KCNMA1: variants seen among roughly 807,000 people sequenced by gnomAD.
The protein encoded by KCNMA1 is potassium calcium-activated channel subfamily M alpha 1.
KCNMA1 carries 29 observed loss-of-function variants against 140.0 expected under a neutral mutation model. The ratio of observed to expected loss-of-function variants is 0.21; its 90% CI spans 0.15 to 0.28. The LOEUF is 0.28. Ranked by LOEUF, KCNMA1 falls within the 10% of genes least tolerant of loss-of-function variation. KCNMA1 has a pLI of 1.00. For synonymous variants in KCNMA1, 612 were observed against 611.9 expected (o/e 1.00, Z 0.00); for missense variants, 880 against 1,602.2 (o/e 0.55, Z 7.70).
At chr10:77,333,580 T>C (rs755434459) in intron 2 of KCNMA1, among the ~76,000 whole-genome samples, 12 of 152,232 alleles carry the variant, frequency 7.9e-5, no homozygotes, top group African/African-American at 2.2e-4. Flanking sequence ...CACATTTTAA[T>C]GGAATGGCAA....
At chr10:77,507,805 C>T (rs2046692442) in intron 1 of KCNMA1, among the ~76,000 whole-genome samples, 1 of 152,170 alleles carries the variant, frequency 6.6e-6, no homozygotes, top group South Asian at 2.1e-4. Context: ...AGCAACTTGG[C>T]AATGTATAGA....
chr10:77,021,126 A>G (rs2092790105), intron 16 of KCNMA1: 1 of 152,212 alleles, frequency 6.6e-6, no homozygotes, highest in Admixed American at 6.5e-5. Flanking sequence ...TACCTTGCCC[A>G]TTAATGAGAT....
chr10:77,417,994 AC>A lies in KCNMA1; in HGVS notation c.379-13972del, dbSNP rs537916102. Among the ~76,000 whole-genome samples the A allele has an allele frequency of 4.6e-5, 7 of 152,224 alleles. No individual in the cohort carries two copies. The South Asian group carries it at 1.0e-3, about 23-fold the overall frequency. On this transcript the variant is annotated intron_variant, in intron 1 of 27. Coordinates refer to ENST00000286628, the MANE Select transcript of KCNMA1 (RefSeq NM_001161352.2). ...CCCTGCTCCCTGGACTCTGCCTCTG[AC>A]CTCACCCCTTGGAAGAACTGGCTGG...
At chr10:77,484,304 T>C (rs2098437036) in intron 1 of KCNMA1, among the ~76,000 whole-genome samples, 1 of 152,130 alleles carries the variant, frequency 6.6e-6, no homozygotes, top group Admixed American at 6.5e-5. Context: ...GCAAGGAAAA[T>C]GATGTGCCCA....
intron 14 of KCNMA1, among the ~76,000 whole-genome samples, chr10:77,042,995 T>C (rs1334670112): frequency 6.6e-6 from 1 of 152,254 alleles, no homozygotes; most frequent in East Asian, 1.9e-4. Flanking sequence ...ATGATATACC[T>C]GACCACATAT....
chr10:77,391,262 C>T (rs1199013066), intron 2 of KCNMA1, among the ~76,000 whole-genome samples: 1 of 152,098 alleles, frequency 6.6e-6, no homozygotes, highest in Non-Finnish European at 1.5e-5. Flanking sequence ...AATGGTCCCC[C>T]TTGATGCCCC....
chr10:76,943,913 G>A (rs2063252301), intron 23 of KCNMA1, among the ~76,000 whole-genome samples: 1 of 152,124 alleles, frequency 6.6e-6, no homozygotes, highest in Non-Finnish European at 1.5e-5. Context: ...CTCATGGGCT[G>A]TGCTCCTACA....
Position 76,886,702 on chromosome 10 carries a change from C to T in KCNMA1, c.*564G>A, listed in dbSNP as rs1564704544. On this transcript the variant is annotated 3_prime_UTR_variant, in exon 28 of 28. Coordinates refer to ENST00000286628, the MANE Select transcript of KCNMA1 (RefSeq NM_001161352.2). ...GTCCTTCATAATCATCTACACAAATCGTGAAAGCTTTTCAAATGCTTCGCA... is the reference window on the plus strand; with the variant it reads ...GTCCTTCATAATCATCTACACAAATTGTGAAAGCTTTTCAAATGCTTCGCA... 3 of 1,003,220 alleles carry T rather than the reference C, an allele frequency of 3.0e-6. No homozygotes were observed. Among genetic ancestry groups the T allele is most frequent in the South Asian group, 4.2e-5 (1 of 23,654 alleles). The allele number at this position is 1,003,220 out of a possible 1,614,324, so 62.1% of individuals were successfully genotyped here. A position where few individuals can be genotyped will look rare whatever the true frequency, so the allele number is the denominator to read the frequency against.
intron 14 of KCNMA1, among the ~76,000 whole-genome samples, chr10:77,058,475 C>T (rs963501079): frequency 6.6e-6 from 1 of 152,030 alleles, no homozygotes; most frequent in Non-Finnish European, 1.5e-5. Flanking sequence ...TTTAAGCTCA[C>T]CTGGAACATT....
At chr10:77,546,521 G>A (rs2061495906) in intron 1 of KCNMA1, among the ~76,000 whole-genome samples, 1 of 152,364 alleles carries the variant, frequency 6.6e-6, no homozygotes, top group East Asian at 1.9e-4. Flanking sequence ...GGCAGCCTGA[G>A]CTATCCATGT....
At position 77,636,978 on chromosome 10, in the gene KCNMA1, C is replaced by T. The variant is rs1227862282; in HGVS notation, c.378+287G>A. The stretch of plus-strand genomic sequence containing the variant: ...GCACCCGAGCCTGTGAGTCCCCGAC[C>T]CCGGCCCCAGCCGCAGCCGCCAACA... On this transcript the variant is annotated intron_variant, in intron 1 of 27. Transcript: ENST00000286628. 4.3e-6 allele frequency: 6 copies of T among 1,410,902 alleles called. No individual in the cohort carries two copies. In the African/African-American group the frequency reaches 4.4e-5, roughly 10 times the overall value. 87.4% of individuals were successfully genotyped at this position (1,410,902 alleles called of 1,614,324 possible).
intron 2 of KCNMA1, among the ~76,000 whole-genome samples, chr10:77,314,809 T>C (rs989626940): frequency 1.3e-5 from 2 of 152,076 alleles, no homozygotes; most frequent in African/African-American, 4.8e-5. Flanking sequence ...ATCCCTGCCC[T>C]CTCGTCTGTG....
At chr10:77,512,709 C>T (rs939861059) in intron 1 of KCNMA1, among the ~76,000 whole-genome samples, 2 of 152,156 alleles carry the variant, frequency 1.3e-5, no homozygotes, top group African/African-American at 4.8e-5. Flanking sequence ...GATTAGGGCA[C>T]AGACTTACAC....
chr10:77,013,915 CTT>C (rs1161599430), intron 17 of KCNMA1, among the ~76,000 whole-genome samples: 11 of 152,152 alleles, frequency 7.2e-5, no homozygotes, highest in African/African-American at 2.7e-4. Flanking sequence ...CCTGAATAGA[CTT>C]GTGAAAAGAT....
intron 2 of KCNMA1, chr10:77,304,397 G>A (rs1316628803): frequency 6.6e-6 from 1 of 152,204 alleles, no homozygotes; most frequent in Non-Finnish European, 1.5e-5. Context: ...CTCCATAGCA[G>A]AGGGGCCCCT....
intron 2 of KCNMA1, among the ~76,000 whole-genome samples, chr10:77,317,493 T>C (rs762599566): frequency 7.9e-5 from 12 of 152,316 alleles, no homozygotes; most frequent in Non-Finnish European, 1.6e-4. Context: ...GGAGGATTAG[T>C]TGGGGAGAGA....
chr10:77,374,053 G>A (rs1341376156), intron 2 of KCNMA1, among the ~76,000 whole-genome samples: 2 of 152,164 alleles, frequency 1.3e-5, no homozygotes, highest in Non-Finnish European at 2.9e-5. Flanking sequence ...ATGGCTGATT[G>A]AGAATCTTAA....
chr10:77,055,616 A>G (rs1264591515), intron 14 of KCNMA1, among the ~76,000 whole-genome samples: 2 of 152,146 alleles, frequency 1.3e-5, no homozygotes, highest in Non-Finnish European at 2.9e-5. Flanking sequence ...TAAAGGAGAT[A>G]GGAGAATTTT....
At position 77,399,987 on chromosome 10, in the gene KCNMA1, C is replaced by T. The variant is rs115623253; in HGVS notation, c.540+3875G>A. On this transcript the variant is annotated intron_variant, in intron 2 of 27. Coordinates refer to ENST00000286628, the MANE Select transcript of KCNMA1 (RefSeq NM_001161352.2). ...GACAATTAGACAGGTGAGATAGAGG[C>T]CCAGATGAGGAGGCCAAGCTCCTGA... is the stretch of plus-strand genomic sequence containing the variant. Among the ~76,000 whole-genome samples, 1,002 of 152,264 alleles carry T rather than the reference C, an allele frequency of 6.6e-3. 10 individuals are homozygous for T. Among genetic ancestry groups the T allele is most frequent in the Middle Eastern group, 0.031 (9 of 294 alleles).
Sources: gnomAD v4.1 joint callset for allele counts (sites outside exome capture counted in the v4.1 genomes callset) on GRCh38, gnomAD v4.1.1 for gene constraint, MANE v1.5 for transcripts, NCBI Gene and HGNC (gene_info 2026-07-23, HGNC 2026-07-21) for gene names.